The following TNFRSF10D variants were observed in gnomAD, a reference collection of about 807,000 sequenced individuals.
TNFRSF10D encodes tumor necrosis factor receptor superfamily member 10D.
TNFRSF10D carries 28 observed loss-of-function variants against 42.1 expected under a neutral mutation model. That is an observed-to-expected ratio of 0.66 (90% CI 0.49 to 0.91). TNFRSF10D has a LOEUF of 0.91. TNFRSF10D is among the 40% of genes least tolerant of loss of function. The pLI, the probability that TNFRSF10D is intolerant of heterozygous loss-of-function variation, is 0.00. For missense variants in TNFRSF10D, 503 were observed against 486.1 expected, an observed-to-expected ratio of 1.03 and a Z score of -0.33; for synonymous variants, 186 against 189.4, an observed-to-expected ratio of 0.98 and a Z score of 0.15.
chr8:23,142,121 A>T (rs1800032987), intron 7 of TNFRSF10D, among the ~76,000 whole-genome samples: 1 of 152,158 alleles, frequency 6.6e-6, no homozygotes. Context: ...AATACAAAAA[A>T]TTAGCCGGGT....
chr8:23,151,608 A>C (rs1165423774), intron 2 of TNFRSF10D, among the ~76,000 whole-genome samples: 1 of 152,234 alleles, frequency 6.6e-6, no homozygotes, highest in East Asian at 1.9e-4. Flanking sequence ...CAATTTGTTA[A>C]GGAATACACA....
In TNFRSF10D at chr8:23,154,960, G is replaced by A. The variant is rs1800256265; in HGVS notation, c.170C>T (p.Thr57Ile). The A allele has an allele frequency of 6.2e-7, 1 of 1,612,584 alleles. No homozygotes were observed. Among genetic ancestry groups the A allele is most frequent in the Non-Finnish European group, 8.5e-7 (1 of 1,179,396 alleles). ...GGGAACTTCGTCCTGCCGGGGGATG[G>A]TGGCAGAGTCAACCCGGACCTGTGG... ...VLLPVRVDSA[T>I]IPRQDEVPQQ... is the part of the protein sequence containing the mutation. The change falls in exon 2 of 9, where the codon ACC becomes ATC. Residue 57 changes from threonine (T) to isoleucine (I), a missense_variant. Thr to Ile is a moderately conservative substitution (Grantham distance 89, BLOSUM62 -1). Transcript: ENST00000312584.
chr8:23,147,515 G>A (rs1040604237), intron 3 of TNFRSF10D, among the ~76,000 whole-genome samples: 2 of 152,192 alleles, frequency 1.3e-5, no homozygotes, highest in African/African-American at 2.4e-5. Context: ...GCAGACCTGT[G>A]CCACTGCTGG....
chr8:23,154,053 A>G (rs115065674), intron 2 of TNFRSF10D, among the ~76,000 whole-genome samples: 943 of 152,280 alleles, frequency 6.2e-3, no homozygotes, highest in African/African-American at 0.019. Context: ...AAAGAAGGAA[A>G]TTCTGTCATT....
chr8:23,158,272 G>T (rs775418103), intron 1 of TNFRSF10D, among the ~76,000 whole-genome samples: 56 of 152,184 alleles, frequency 3.7e-4, no homozygotes, highest in Non-Finnish European at 7.2e-4. Flanking sequence ...AAGAGCTGAA[G>T]GTGCTGTGGA....
At position 23,148,655 on chromosome 8, in the gene TNFRSF10D, AG is replaced by A. The variant is rs1452870999; in HGVS notation, c.257-105del. 12 of 780,704 alleles carry A rather than the reference AG, an allele frequency of 1.5e-5. No individual in the cohort carries two copies. The African/African-American group carries it at 1.9e-4, about 12-fold the overall frequency. The allele number at this position is 780,704 out of a possible 1,614,324, so 48.4% of individuals were successfully genotyped here. A position where few individuals can be genotyped will look rare whatever the true frequency, so the allele number is the denominator to read the frequency against. On this transcript the variant is annotated intron_variant, in intron 2 of 8. Transcript: ENST00000312584. ...TTGGCCCTCAGTGGAATCCAGACAG[AG>A]AAATCTGCTCTTCTTGGCTTGGTCT...
At position 23,135,616 on chromosome 8, in the gene TNFRSF10D, T is replaced by C. The variant is rs1368350080; in HGVS notation, c.*2254A>G. The C allele has an allele frequency of 4.8e-3, 932 of 195,794 alleles. No homozygotes were observed. The highest frequency in any genetic ancestry group is 0.016 in the South Asian group (187 of 11,342). The allele number at this position is 195,794 out of a possible 1,614,324, so 12.1% of individuals were successfully genotyped here. ...TTAATATGAGGTTTCATATTTATTTTGGTCATAAACATATGAGTATTTCAT... is the reference window on the plus strand; with the variant it reads ...TTAATATGAGGTTTCATATTTATTTCGGTCATAAACATATGAGTATTTCAT... On this transcript the variant is annotated 3_prime_UTR_variant, in exon 9 of 9. Transcript: ENST00000312584.
intron 2 of TNFRSF10D, among the ~76,000 whole-genome samples, chr8:23,152,957 A>ATAC (rs1329488746): frequency 6.0e-3 from 911 of 152,258 alleles, no homozygotes; most frequent in African/African-American, 0.019. Context: ...TGGAGGCATC[A>ATAC]TACTACCTGA....
In TNFRSF10D at chr8:23,136,331, G is replaced by A. The variant is rs1814327153; in HGVS notation, c.*1539C>T. The A allele has an allele frequency of 4.9e-5, 10 of 204,210 alleles. No individual in the cohort carries two copies. Among genetic ancestry groups the A allele is most frequent in the Non-Finnish European group, 1.0e-4 (10 of 100,356 alleles). The allele number at this position is 204,210 out of a possible 1,614,324, so 12.6% of individuals were successfully genotyped here. On this transcript the variant is annotated 3_prime_UTR_variant, in exon 9 of 9. Transcript: ENST00000312584. ...TTGATATCTCTGAGATGAGTCAGAT[G>A]CTTACAGAGGGGCCAAGCTCCTCAA...
chr8:23,148,984 A>T (rs62501096), intron 2 of TNFRSF10D, among the ~76,000 whole-genome samples: 1 of 151,582 alleles, frequency 6.6e-6, no homozygotes, highest in African/African-American at 2.4e-5. Context: ...AGGTCAGGAG[A>T]TCGAGACCAT....
intron 5 of TNFRSF10D, 40 bp downstream of exon 5, chr8:23,145,628 C>G: frequency 6.2e-7 from 1 of 1,611,848 alleles, no homozygotes. Flanking sequence ...GAGGGCAGGG[C>G]AGACAGTGCC....
At chr8:23,149,384 C>T (rs1474829079) in intron 2 of TNFRSF10D, among the ~76,000 whole-genome samples, 5 of 151,136 alleles carry the variant, frequency 3.3e-5, no homozygotes, top group Admixed American at 2.6e-4. Context: ...ATTACAGGCA[C>T]CCACCACCAC....
chr8:23,140,571 T>C (rs115676247), intron 7 of TNFRSF10D, among the ~76,000 whole-genome samples: 898 of 152,186 alleles, frequency 5.9e-3, no homozygotes, highest in African/African-American at 0.019. Context: ...GGCATACTGC[T>C]GAAATCAATC....
Position 23,137,917 on chromosome 8 carries a change from G to T in TNFRSF10D, c.1114C>A (p.Leu372Ile). The change falls in exon 9 of 9, where the codon CTC becomes ATC. Residue 372 changes from leucine (L) to isoleucine (I), a missense_variant. Leu to Ile is a conservative substitution (Grantham distance 5, BLOSUM62 2). Transcript: ENST00000312584. ...IQDQLVGSEK[L>I]FYEEDEAGSA... is the part of the protein sequence containing the mutation. ...CCTGCCTCATCTTCTTCATAAAAGA[G>T]CTTTTCGGAGCCCACCAGTTGGTCC... The T allele has an allele frequency of 6.2e-7, 1 of 1,614,204 alleles. No individual in the cohort carries two copies. Among genetic ancestry groups the T allele is most frequent in the Non-Finnish European group, 8.5e-7 (1 of 1,180,040 alleles).
chr8:23,153,577 T>C (rs761679891), intron 2 of TNFRSF10D, among the ~76,000 whole-genome samples: 5 of 152,106 alleles, frequency 3.3e-5, no homozygotes, highest in Non-Finnish European at 5.9e-5. Context: ...GAAGAGACAC[T>C]TCTAAAAAGA....
At chr8:23,148,357 T>A (rs1454608109) in intron 3 of TNFRSF10D, 81 bp downstream of exon 3, 7 of 1,076,626 alleles carry the variant, frequency 6.5e-6, no homozygotes, top group Non-Finnish European at 9.7e-6. Flanking sequence ...TAGAACTTGG[T>A]TCCCCGACTC....
At chr8:23,148,905 T>C (rs1585261432) in intron 2 of TNFRSF10D, among the ~76,000 whole-genome samples, 2 of 151,640 alleles carry the variant, frequency 1.3e-5, no homozygotes, top group Non-Finnish European at 2.9e-5. Flanking sequence ...TTTTATCTTT[T>C]TTTGGCCAGG....
intron 1 of TNFRSF10D, among the ~76,000 whole-genome samples, chr8:23,157,004 C>T (rs1264787762): frequency 5.0e-3 from 763 of 151,604 alleles, no homozygotes; most frequent in African/African-American, 0.016. Context: ...ACATATTTTT[C>T]TTTTTTTGAC....
At chr8:23,149,702 A>G (rs1204056983) in intron 2 of TNFRSF10D, among the ~76,000 whole-genome samples, 844 of 151,820 alleles carry the variant, frequency 5.6e-3, no homozygotes, top group African/African-American at 0.017. Context: ...GCACCCTGGG[A>G]CTGTCATTCC....
Sources: allele counts gnomAD v4.1 joint callset (sites outside exome capture counted in the v4.1 genomes callset), GRCh38; gene constraint gnomAD v4.1.1; transcripts MANE v1.5; gene names NCBI Gene and HGNC (gene_info 2026-07-23, HGNC 2026-07-21).